Variants in PLCE1 observed in about 807,000 individuals in gnomAD.
PLCE1 encodes the protein phospholipase C epsilon 1.
PLCE1 carries 119 observed loss-of-function variants against 242.8 expected under a neutral mutation model. The ratio of observed to expected loss-of-function variants is 0.49; its 90% CI spans 0.42 to 0.57. The LOEUF (loss-of-function observed/expected upper bound fraction) is 0.57. Among genes scored for constraint, PLCE1 ranks in the 20% least tolerant of loss-of-function variants. The probability of loss-of-function intolerance (pLI) is 0.00; values close to 1 mark genes in which losing one functional copy is unlikely to be tolerated. For synonymous variants in PLCE1, 945 were observed against 1,017.4 expected, an observed-to-expected ratio of 0.93 and a Z score of 1.35; for missense variants, 2,441 against 2,788.8, an observed-to-expected ratio of 0.88 and a Z score of 2.81.
intron 2 of PLCE1, among the ~76,000 whole-genome samples, chr10:94,124,737 C>G (rs1455473351): frequency 6.6e-6 from 1 of 152,070 alleles, no homozygotes; most frequent in Non-Finnish European, 1.5e-5. Flanking sequence ...TCTTTTAAAC[C>G]CCATGATCCT....
intron 2 of PLCE1, among the ~76,000 whole-genome samples, chr10:94,118,235 A>G (rs1238833367): frequency 1.3e-5 from 2 of 151,732 alleles, no homozygotes; most frequent in South Asian, 2.1e-4. Flanking sequence ...AATGATTTCC[A>G]TGGAGTTCTT....
At chr10:94,159,130 T>C (rs1032583197) in intron 3 of PLCE1, among the ~76,000 whole-genome samples, 12 of 152,296 alleles carry the variant, frequency 7.9e-5, no homozygotes, top group African/African-American at 2.4e-4. Flanking sequence ...GTCTGGTAGA[T>C]TGTTTCATCT....
At chr10:94,133,825 G>C (rs1564719467) in intron 3 of PLCE1, among the ~76,000 whole-genome samples, 1 of 152,106 alleles carries the variant, frequency 6.6e-6, no homozygotes, top group Admixed American at 6.5e-5. Flanking sequence ...TGCTGGAAAA[G>C]GAACAAAACA....
intron 7 of PLCE1, among the ~76,000 whole-genome samples, chr10:94,238,838 T>G (rs1463229372): frequency 6.6e-6 from 1 of 152,112 alleles, no homozygotes; most frequent in Non-Finnish European, 1.5e-5. Flanking sequence ...ATGCTGCACC[T>G]TAAGAAGGAT....
At chr10:94,173,922 C>A (rs2136347191) in intron 4 of PLCE1, among the ~76,000 whole-genome samples, 1 of 152,288 alleles carries the variant, frequency 6.6e-6, no homozygotes, top group South Asian at 2.1e-4. Context: ...ACTGGAATAG[C>A]TAAATTCTAG....
chr10:94,137,941 TG>T, intron 3 of PLCE1: 1 of 392,890 alleles, frequency 2.5e-6, no homozygotes, highest in Non-Finnish European at 5.0e-6. Context: ...AGTACCACAG[TG>T]ATGACTACAT....
At chr10:94,310,879 C>T (rs1212475520) in intron 27 of PLCE1, among the ~76,000 whole-genome samples, 1 of 152,194 alleles carries the variant, frequency 6.6e-6, no homozygotes, top group South Asian at 2.1e-4. Context: ...CACAAGACTA[C>T]TCCTACTTCA....
chr10:94,324,232 G>A (rs2053928073), intron 30 of PLCE1, 117 bp from the exon 31 acceptor site: 1 of 820,254 alleles, frequency 1.2e-6, no homozygotes, highest in Non-Finnish European at 2.2e-6. Flanking sequence ...AAATGATCTG[G>A]AAGATCCCCT....
intron 1 of PLCE1, among the ~76,000 whole-genome samples, chr10:93,999,945 G>C (rs748835601): frequency 6.6e-6 from 1 of 152,204 alleles, no homozygotes; most frequent in South Asian, 2.1e-4. Flanking sequence ...GCTGTTGTTG[G>C]TGTTCTAGCT....
At chr10:94,269,304 G>A (rs1302885183) in intron 17 of PLCE1, among the ~76,000 whole-genome samples, 3 of 151,710 alleles carry the variant, frequency 2.0e-5, no homozygotes, top group African/African-American at 4.8e-5. Context: ...GTTTCACCAC[G>A]TTGGCCAGGC....
intron 3 of PLCE1, among the ~76,000 whole-genome samples, chr10:94,135,454 G>A (rs1019068310): frequency 6.6e-6 from 1 of 152,110 alleles, no homozygotes; most frequent in African/African-American, 2.4e-5. Context: ...GTGTCCTGTG[G>A]CATAGATTTG....
chr10:94,069,725 C>G (rs2044298674), intron 2 of PLCE1, among the ~76,000 whole-genome samples: 1 of 152,188 alleles, frequency 6.6e-6, no homozygotes, highest in Non-Finnish European at 1.5e-5. Flanking sequence ...TTAAGAACCA[C>G]AGTTCTGGAA....
intron 4 of PLCE1, among the ~76,000 whole-genome samples, chr10:94,220,418 A>G (rs1220797331): frequency 8.1e-6 from 1 of 123,168 alleles, no homozygotes; most frequent in African/African-American, 3.0e-5. Context: ...ATATATATAT[A>G]TGATTGGGCT....
chr10:94,033,203 G>T (rs1282206458), intron 2 of PLCE1, among the ~76,000 whole-genome samples: 1 of 151,920 alleles, frequency 6.6e-6, no homozygotes, highest in African/African-American at 2.4e-5. Flanking sequence ...GTTCCTCTGA[G>T]CTATTGAGGG....
chr10:94,298,725 A>G lies in PLCE1; in HGVS notation c.5458+56A>G. The G allele has an allele frequency of 6.3e-7, 1 of 1,582,998 alleles. No homozygotes were observed. Among genetic ancestry groups the G allele is most frequent in the African/African-American group, 1.3e-5 (1 of 74,458 alleles). ...TTGCATCTTACATTTCAGTAAATGC[A>G]GTTTGACAGCATTTTTTCAAAGGGG... On this transcript the variant is annotated intron_variant, in intron 24 of 32. Transcript: ENST00000371380. The surrounding 1 kb of genome is among the most constrained non-coding windows in gnomAD (Gnocchi z 5.2).
chr10:94,314,295 A>G (rs996853947), intron 28 of PLCE1, among the ~76,000 whole-genome samples: 2 of 152,088 alleles, frequency 1.3e-5, no homozygotes, highest in Non-Finnish European at 1.5e-5. Flanking sequence ...TCCTTAACCC[A>G]TTTCAGAATT....
chr10:94,099,498 T>A (rs2045438811), intron 2 of PLCE1: 1 of 152,260 alleles, frequency 6.6e-6, no homozygotes, highest in African/African-American at 2.4e-5. Context: ...GCTCAAACTT[T>A]AAACTGCCAA....
intron 2 of PLCE1, among the ~76,000 whole-genome samples, chr10:94,035,498 C>A (rs1589890941): frequency 6.6e-6 from 1 of 152,144 alleles, no homozygotes; most frequent in East Asian, 1.9e-4. Context: ...GCTTCTTAGT[C>A]TCTGGAGGCT....
At chr10:94,093,653 A>G (rs1351851806) in intron 2 of PLCE1, among the ~76,000 whole-genome samples, 1 of 152,106 alleles carries the variant, frequency 6.6e-6, no homozygotes, top group Non-Finnish European at 1.5e-5. Context: ...CCCTGCTCCC[A>G]TTTATCTCAG....
Sources: gnomAD v4.1 joint callset for allele counts (sites outside exome capture counted in the v4.1 genomes callset) on GRCh38, gnomAD v4.1.1 for gene constraint, Gnocchi (gnomAD v3.1) non-coding constraint, MANE v1.5 for transcripts, NCBI Gene and HGNC (gene_info 2026-07-23, HGNC 2026-07-21) for gene names.